The following KDM5A variants were observed in gnomAD, a reference collection of about 807,000 sequenced individuals.
The protein encoded by KDM5A is lysine demethylase 5A.
In KDM5A, 42 loss-of-function variants were observed where a neutral mutation model predicts 193.5. The observed-to-expected ratio is 0.22, with a 90% CI of 0.17 to 0.28. KDM5A has a LOEUF of 0.28. Ranked by LOEUF, KDM5A falls within the 10% of genes least tolerant of loss-of-function variation. KDM5A has a pLI of 1.00. For missense variants in KDM5A, 1,692 were observed against 2,055.1 expected, an observed-to-expected ratio of 0.82 and a Z score of 3.42; for synonymous variants, 796 against 718.1, an observed-to-expected ratio of 1.11 and a Z score of -1.73.
Position 311,050 on chromosome 12 carries a change from G to A in KDM5A, c.3051C>T (p.Tyr1017=), listed in dbSNP as rs1488415962. 7.4e-6 allele frequency: 12 copies of A among 1,613,946 alleles called. No homozygotes were observed. The highest frequency in any genetic ancestry group is 2.2e-5 in the East Asian group (1 of 44,886). Residue 1017 remains tyrosine (Y), a synonymous_variant, in exon 21 of 28, where the codon TAC becomes TAT. Coordinates refer to ENST00000399788, the MANE Select transcript of KDM5A (RefSeq NM_001042603.3). ...AGCTCTCAAGCTGCTCCAAATAAGCGTAATTGCTGCCACTCTGAAAAACCA... is the reference window on the plus strand; with the variant it reads ...AGCTCTCAAGCTGCTCCAAATAAGCATAATTGCTGCCACTCTGAAAAACCA... ...KVEAIQSGSN[Y]AYLEQLESLS... is the part of the protein sequence containing the mutation.
At chr12:370,823 T>C (rs1388702357) in intron 3 of KDM5A, among the ~76,000 whole-genome samples, 1 of 152,166 alleles carries the variant, frequency 6.6e-6, no homozygotes, top group African/African-American at 2.4e-5. Flanking sequence ...TGTCCAAGTG[T>C]TCTCATTGTT....
In KDM5A at chr12:322,612, C is replaced by A. The variant is rs371416931; in HGVS notation, c.2276-45G>T. 19 of 1,555,934 alleles carry A rather than the reference C, an allele frequency of 1.2e-5. No homozygotes were observed. The South Asian group carries it at 1.9e-4, about 16-fold the overall frequency. On this transcript the variant is annotated intron_variant, in intron 16 of 27. Transcript: ENST00000399788. ...GAGCCATATACAATAACCATAGACA[C>A]AAAAAGCCATTCTAAAATCTTCACC...
Position 285,527 on chromosome 12 carries a change from C to T in KDM5A, c.5002G>A (p.Gly1668Ser), listed in dbSNP as rs1239673615. ...ATGAAGGAAGGAGGTGGTGCTGGAC[C>T]TGGGCTAACTGGCCCCTGCTTCTTT... ...CAKKQGPVSPGPAPPPSFIMS... is the reference protein window; with the variant it reads ...CAKKQGPVSPSPAPPPSFIMS... Residue 1668 changes from glycine to serine, a missense_variant, in exon 28 of 28, where the codon GGT becomes AGT. Gly to Ser is a moderately conservative substitution (Grantham distance 56, BLOSUM62 0). This residue lies in a region of KDM5A where 41 missense variants were observed against 36.3 expected (regional missense o/e 1.13). Coordinates refer to ENST00000399788, the MANE Select transcript of KDM5A (RefSeq NM_001042603.3). 6.2e-7 allele frequency: 1 copy of T among 1,613,930 alleles called. No homozygotes were observed. Among genetic ancestry groups the T allele is most frequent in the Non-Finnish European group, 8.5e-7 (1 of 1,179,946 alleles).
chr12:307,826 G>A lies in KDM5A; in HGVS notation c.3558C>T (p.Asn1186=), dbSNP rs2137389505. ...TTGATTTAGGAAGAGGAACACAGCT[G>A]TTATGGAACCAGTCTTTGCAGAGCT... ...QCELCKDWFH[N]SCVPLPKSSS... is the part of the protein sequence containing the mutation. Residue 1186 remains asparagine (N), a synonymous_variant, in exon 23 of 28, where the codon AAC becomes AAT. Coordinates refer to ENST00000399788, the MANE Select transcript of KDM5A (RefSeq NM_001042603.3). This position sits in a 1 kb window ranked among gnomAD's most constrained non-coding sequence, Gnocchi z 4.3. The A allele has an allele frequency of 1.9e-6, 3 of 1,614,156 alleles. No individual in the cohort carries two copies. Among genetic ancestry groups the A allele is most frequent in the Non-Finnish European group, 2.5e-6 (3 of 1,180,028 alleles).
intron 27 of KDM5A, chr12:286,043 GAA>G (rs1739874863): frequency 4.9e-6 from 2 of 408,480 alleles, no homozygotes; most frequent in Non-Finnish European, 9.5e-6. Context: ...ATCAAGAAAG[GAA>G]GAGTACAACA....
intron 5 of KDM5A, among the ~76,000 whole-genome samples, chr12:357,901 G>A (rs946644725): frequency 6.9e-6 from 1 of 145,564 alleles, no homozygotes; most frequent in Non-Finnish European, 1.5e-5. Flanking sequence ...GACTCCGTCT[G>A]GTGAAAACAT....
intron 4 of KDM5A, 70 bp downstream of exon 4, chr12:365,862 AAC>A: frequency 6.6e-7 from 1 of 1,510,994 alleles, no homozygotes; most frequent in Non-Finnish European, 9.2e-7. Flanking sequence ...ACTTGGGTTA[AAC>A]ACAGTCTAAA....
intron 3 of KDM5A, among the ~76,000 whole-genome samples, chr12:368,363 A>AT (rs1051619731): frequency 6.6e-6 from 1 of 152,166 alleles, no homozygotes; most frequent in Non-Finnish European, 1.5e-5. Context: ...TACATATACA[A>AT]TTTTTTAAAA....
chr12:287,180 G>A (rs1194898890), intron 27 of KDM5A, among the ~76,000 whole-genome samples: 2 of 152,180 alleles, frequency 1.3e-5, no homozygotes, highest in African/African-American at 2.4e-5. Context: ...GCTTTTCAAA[G>A]TGTGTAGACC....
At chr12:322,999 A>G (rs1462069369) in intron 16 of KDM5A, 83 bp downstream of exon 16, 5 of 1,582,160 alleles carry the variant, frequency 3.2e-6, no homozygotes, top group Non-Finnish European at 4.3e-6. Flanking sequence ...CTTTTACGGA[A>G]GGAAAAAACA....
chr12:378,505 T>C (rs780846413), intron 3 of KDM5A, among the ~76,000 whole-genome samples: 1 of 152,136 alleles, frequency 6.6e-6, no homozygotes, highest in Non-Finnish European at 1.5e-5. Flanking sequence ...GCTCAAATGA[T>C]CCTCCTGCCT....
At chr12:289,966 G>C (rs1591895421) in intron 27 of KDM5A, among the ~76,000 whole-genome samples, 3 of 137,888 alleles carry the variant, frequency 2.2e-5, no homozygotes, top group Middle Eastern at 3.7e-3. Context: ...TTTGAGACAG[G>C]GTCTCCTGTG....
rs1565557211 is a variant in KDM5A, at chr12:389,313, G to T, written c.-222C>A. On this transcript the variant is annotated 5_prime_UTR_variant, in exon 1 of 28. Transcript: ENST00000399788. ...GTTCAGGACTTTTCCGGAAGTTACCGTGCTGTCAAATCCCTCCGCCCCCTG... is the reference window on the plus strand; with the variant it reads ...GTTCAGGACTTTTCCGGAAGTTACCTTGCTGTCAAATCCCTCCGCCCCCTG... 10 of 677,326 alleles carry T rather than the reference G, an allele frequency of 1.5e-5. No homozygotes were observed. Among genetic ancestry groups the T allele is most frequent in the Non-Finnish European group, 2.7e-5 (10 of 371,140 alleles). The allele number at this position is 677,326 out of a possible 1,614,324, so 42.0% of individuals were successfully genotyped here. A position where few individuals can be genotyped will look rare whatever the true frequency, so the allele number is the denominator to read the frequency against.
At position 352,170 on chromosome 12, in the gene KDM5A, C is replaced by T. The variant is rs769329218; in HGVS notation, c.1149+35G>A. The T allele has an allele frequency of 7.9e-6, 12 of 1,523,512 alleles. No homozygotes were observed. In the South Asian group the frequency reaches 1.2e-4, roughly 16 times the overall value. The allele number at this position is 1,523,512 out of a possible 1,614,324, so 94.4% of individuals were successfully genotyped here. The stretch of plus-strand genomic sequence containing the variant: ...CTTTGTACTCAGGTAAATCTTTGTA[C>T]CTCCCCGGACCGACCTAAAAGATAG... On this transcript the variant is annotated intron_variant, in intron 9 of 27. Coordinates refer to ENST00000399788, the MANE Select transcript of KDM5A (RefSeq NM_001042603.3).
At chr12:317,223 C>T (rs79857856) in intron 19 of KDM5A, among the ~76,000 whole-genome samples, 10 of 152,240 alleles carry the variant, frequency 6.6e-5, no homozygotes, top group Non-Finnish European at 1.5e-4. Flanking sequence ...CCAGGGAAAC[C>T]CACTTATTTT....
intron 20 of KDM5A, among the ~76,000 whole-genome samples, chr12:312,068 G>T (rs12582850): frequency 0.21 from 32,144 of 152,048 alleles, 3,627 homozygotes; most frequent in South Asian, 0.3. Context: ...AATACGTTCC[G>T]TTTGGGGGCA....
intron 1 of KDM5A, chr12:387,423 G>A: frequency 5.0e-6 from 1 of 201,574 alleles, no homozygotes; most frequent in Non-Finnish European, 1.0e-5. Context: ...TTCAAGAGTA[G>A]ATAAAAATAT....
rs1165731015 is a variant in KDM5A, at chr12:334,276, C to T, written c.1455G>A (p.Glu485=). ...AGTTGATGGAATAACTCCAGTGATC[C>T]TCAATGTGCCAGCAAAAAGAAGAGA... ...MCFSSFCWHI[E]DHWSYSINYL... is the part of the protein sequence containing the mutation. The change falls in exon 11 of 28, where the codon GAG becomes GAA. Residue 485 remains glutamate (E), a synonymous_variant. Coordinates refer to ENST00000399788, the MANE Select transcript of KDM5A (RefSeq NM_001042603.3). 2 of 1,614,140 alleles carry T rather than the reference C, an allele frequency of 1.2e-6. No homozygotes were observed. The highest frequency in any genetic ancestry group is 1.1e-5 in the South Asian group (1 of 91,084).
rs750508350 is a variant in KDM5A, at chr12:307,505, T to C, written c.3879A>G (p.Glu1293=). The part of the protein sequence containing the change: ...MVEQAAREKT[E]KIISAELQKA... ...TTTGGAGTTCTGCACTGATGATCTTTTCAGTTTTTTCTCGAGCCGCCTGTT... is the reference window on the plus strand; with the variant it reads ...TTTGGAGTTCTGCACTGATGATCTTCTCAGTTTTTTCTCGAGCCGCCTGTT... Residue 1293 remains glutamate, a synonymous_variant, in exon 23 of 28, where the codon GAA becomes GAG. Transcript: ENST00000399788. The surrounding 1 kb of genome is among the most constrained non-coding windows in gnomAD (Gnocchi z 4.3). The C allele has an allele frequency of 1.2e-6, 2 of 1,613,816 alleles. No individual in the cohort carries two copies. The highest frequency in any genetic ancestry group is 1.7e-6 in the Non-Finnish European group (2 of 1,180,028).
Sources: gnomAD v4.1 joint callset for allele counts (sites outside exome capture counted in the v4.1 genomes callset) on GRCh38, gnomAD v4.1.1 for gene constraint, gnomAD v4.1.1 regional missense constraint, Gnocchi (gnomAD v3.1) non-coding constraint, MANE v1.5 for transcripts, NCBI Gene and HGNC (gene_info 2026-07-23, HGNC 2026-07-21) for gene names.